Variants in KDM4A observed in about 807,000 individuals in gnomAD.
KDM4A encodes the protein lysine demethylase 4A.
Under a neutral mutation model 127.1 loss-of-function variants are expected in KDM4A, and 23 were observed. That is an observed-to-expected ratio of 0.18 (90% confidence interval 0.13 to 0.26). KDM4A has a LOEUF of 0.26. KDM4A is among the 10% of genes least tolerant of loss of function. The probability of loss-of-function intolerance (pLI) is 1.00; values close to 1 mark genes in which losing one functional copy is unlikely to be tolerated. For synonymous variants in KDM4A, 443 were observed against 466.5 expected (o/e 0.95, Z 0.65); for missense variants, 890 against 1,329.1 (o/e 0.67, Z 5.14).
At chr1:43,667,256 T>A (rs1262654986) in intron 8 of KDM4A, among the ~76,000 whole-genome samples, 165 bp downstream of exon 8, 1 of 152,234 alleles carries the variant, frequency 6.6e-6, no homozygotes, top group Non-Finnish European at 1.5e-5. Context: ...AAGGAATTTT[T>A]AAAAATGTGT....
chr1:43,692,148 GCTT>G, intron 15 of KDM4A, 105 bp from the exon 16 acceptor site: 1 of 979,290 alleles, frequency 1.0e-6, no homozygotes. Flanking sequence ...ATGCTATTAT[GCTT>G]CTTTCTTATG....
At chr1:43,656,555 C>T (rs1166900677) in intron 3 of KDM4A, among the ~76,000 whole-genome samples, 1 of 151,894 alleles carries the variant, frequency 6.6e-6, no homozygotes, top group African/African-American at 2.4e-5. Flanking sequence ...CCAGGCTGGT[C>T]TTGAACTCCT....
intron 9 of KDM4A, 93 bp from the exon 10 acceptor site, chr1:43,669,007 A>G (rs765462305): frequency 1.5e-6 from 2 of 1,339,738 alleles, no homozygotes; most frequent in Non-Finnish European, 2.1e-6. Context: ...GGCTCTGGCC[A>G]TTCACTTTGG....
At chr1:43,668,093 G>C in intron 9 of KDM4A, 74 bp downstream of exon 9, 1 of 1,541,852 alleles carries the variant, frequency 6.5e-7, no homozygotes, top group South Asian at 1.2e-5. Flanking sequence ...CTGTGGAGAG[G>C]CTGTTTCTTG....
At chr1:43,657,946 T>C (rs918428138) in intron 3 of KDM4A, among the ~76,000 whole-genome samples, 4 of 151,866 alleles carry the variant, frequency 2.6e-5, no homozygotes, top group African/African-American at 7.3e-5. Context: ...GGTTTCACCA[T>C]ATTGGCCAGG....
At chr1:43,665,616 G>C (rs1660483716) in intron 5 of KDM4A, 80 bp from the exon 6 acceptor site, 1 of 1,309,932 alleles carries the variant, frequency 7.6e-7, no homozygotes. Context: ...CTATTTCAAG[G>C]TGTTTTGAGA....
At chr1:43,663,152 G>GT in intron 5 of KDM4A, 65 bp downstream of exon 5, 1 of 1,418,392 alleles carries the variant, frequency 7.1e-7, no homozygotes, top group Non-Finnish European at 9.7e-7. Flanking sequence ...TTCATTGTGC[G>GT]TGGGAAGCAC....
intron 5 of KDM4A, 94 bp from the exon 6 acceptor site, chr1:43,665,601 AT>A (rs1364741881): frequency 8.0e-6 from 9 of 1,122,868 alleles, no homozygotes; most frequent in Non-Finnish European, 9.3e-6. Context: ...TAAAAAAAAA[AT>A]CTGCTATTTC....
chr1:43,698,806 T>TGAGA (rs1661307983), intron 19 of KDM4A, among the ~76,000 whole-genome samples: 1 of 152,218 alleles, frequency 6.6e-6, no homozygotes, highest in South Asian at 2.1e-4. Flanking sequence ...ATTTTATTTG[T>TGAGA]GAGACAGGGT....
intron 9 of KDM4A, among the ~76,000 whole-genome samples, chr1:43,668,250 C>T (rs1454634173): frequency 6.6e-6 from 1 of 152,064 alleles, no homozygotes; most frequent in Non-Finnish European, 1.5e-5. Flanking sequence ...CTCAGCCTCC[C>T]GAGTAGCTGG....
chr1:43,703,792 TC>T, intron 20 of KDM4A, 56 bp downstream of exon 20: 1 of 1,607,250 alleles, frequency 6.2e-7, no homozygotes, highest in Non-Finnish European at 8.5e-7. Flanking sequence ...ATTCTGTGCT[TC>T]CTGTTGGGCC....
At position 43,694,894 on chromosome 1, in the gene KDM4A, G is replaced by A. The variant is rs764845967; in HGVS notation, c.2670G>A (p.Glu890=). Residue 890 remains glutamate (E), a splice_region_variant and synonymous_variant, in exon 18 of 22, where the codon GAG becomes GAA. Coordinates refer to ENST00000372396, the MANE Select transcript of KDM4A (RefSeq NM_014663.3). The surrounding 1 kb of genome is among the most constrained non-coding windows in gnomAD (Gnocchi z 5.2). ...TTCGGCACAAGATTCCTAATTTGGA[G>A]GTGAGAGAGGGTGTCATTCTAGAAT... ...TCFRHKIPNL[E]RAKGALQSIT... 1 of 1,589,470 alleles carries A rather than the reference G, an allele frequency of 6.3e-7. No individual in the cohort carries two copies. The highest frequency in any genetic ancestry group is 1.1e-5 in the South Asian group (1 of 90,504).
intron 13 of KDM4A, among the ~76,000 whole-genome samples, 168 bp downstream of exon 13, chr1:43,689,263 C>T (rs1286090786): frequency 6.6e-6 from 1 of 152,240 alleles, no homozygotes; most frequent in Non-Finnish European, 1.5e-5. Flanking sequence ...GGCAGATAAC[C>T]CAGCAACGTG....
intron 18 of KDM4A, among the ~76,000 whole-genome samples, chr1:43,695,830 G>A (rs1570873917): frequency 6.6e-6 from 1 of 152,090 alleles, no homozygotes; most frequent in East Asian, 1.9e-4. Context: ...CTCGTGGGTT[G>A]AGGAGAGAAG....
At chr1:43,658,906 T>C (rs531691910) in intron 3 of KDM4A, among the ~76,000 whole-genome samples, 1 of 151,972 alleles carries the variant, frequency 6.6e-6, no homozygotes, top group South Asian at 2.1e-4. Context: ...TCCCAAAGTG[T>C]TGGGATTACA....
intron 3 of KDM4A, among the ~76,000 whole-genome samples, chr1:43,659,646 G>A (rs1253520262): frequency 2.0e-5 from 3 of 152,064 alleles, no homozygotes; most frequent in South Asian, 4.1e-4. Flanking sequence ...ATGGCTTTAT[G>A]TAGATAGGTA....
At chr1:43,666,608 G>C in intron 7 of KDM4A, 53 bp downstream of exon 7, 1 of 1,395,530 alleles carries the variant, frequency 7.2e-7, no homozygotes, top group Non-Finnish European at 1.0e-6. Context: ...TCTGGCCTTT[G>C]TTTTACAGTT....
intron 19 of KDM4A, chr1:43,702,627 G>A (rs1300571875): frequency 1.3e-5 from 2 of 152,132 alleles, no homozygotes; most frequent in African/African-American, 2.4e-5. Flanking sequence ...CCCTATGCTG[G>A]GAATACGATG....
In KDM4A at chr1:43,695,420, T is replaced by C. The variant is rs533926185; in HGVS notation, c.2670+526T>C. Among the ~76,000 whole-genome samples, 4 of 152,272 alleles carry C rather than the reference T, an allele frequency of 2.6e-5. No individual in the cohort carries two copies. In the East Asian group the frequency reaches 7.7e-4, roughly 29 times the overall value. On this transcript the variant is annotated intron_variant, in intron 18 of 21. Transcript: ENST00000372396. ...TGGGTCTTAAACAATAAGAAGGAATTGTATGCAGAGACTGTTGTGTGCAGA... is the reference window on the plus strand; with the variant it reads ...TGGGTCTTAAACAATAAGAAGGAATCGTATGCAGAGACTGTTGTGTGCAGA...
Sources: gnomAD v4.1 joint callset for allele counts (sites outside exome capture counted in the v4.1 genomes callset) on GRCh38, gnomAD v4.1.1 for gene constraint, Gnocchi (gnomAD v3.1) non-coding constraint, MANE v1.5 for transcripts, NCBI Gene and HGNC (gene_info 2026-07-23, HGNC 2026-07-21) for gene names.